SFT2D2: variants seen among roughly 807,000 people sequenced by gnomAD.
The protein encoded by SFT2D2 is vesicle transport protein SFT2B.
SFT2D2 carries 21 observed loss-of-function variants against 27.4 expected under a neutral mutation model. The observed-to-expected ratio is 0.77, with a 90% CI of 0.54 to 1.10. The LOEUF (loss-of-function observed/expected upper bound fraction) is 1.10. SFT2D2 is among the 50% of genes least tolerant of loss of function. The pLI is 0.00. For missense variants in SFT2D2, 187 were observed against 194.2 expected, an observed-to-expected ratio of 0.96 and a Z score of 0.22; for synonymous variants, 72 against 71.7, an observed-to-expected ratio of 1.00 and a Z score of -0.02.
In SFT2D2 at chr1:168,243,357, A is replaced by G. The variant is rs548917282; in HGVS notation, c.*817A>G. 6.6e-5 allele frequency: 10 copies of G among 151,786 alleles called. No homozygotes were observed. The highest frequency in any genetic ancestry group is 2.1e-4 in the South Asian group (1 of 4,800). The allele number at this position is 151,786 out of a possible 1,614,324, so 9.4% of individuals were successfully genotyped here. A position where few individuals can be genotyped will look rare whatever the true frequency, so the allele number is the denominator to read the frequency against. On this transcript the variant is annotated 3_prime_UTR_variant, in exon 8 of 8. Coordinates refer to ENST00000271375, the MANE Select transcript of SFT2D2 (RefSeq NM_199344.3). The stretch of plus-strand genomic sequence containing the variant: ...TTGAAAAATCCTGCTGCTCTCAGCT[A>G]TATTTTTTTCTCCATTATTTATAAA...
chr1:168,227,258 G>A (rs979094969), intron 1 of SFT2D2, among the ~76,000 whole-genome samples: 1 of 152,092 alleles, frequency 6.6e-6, no homozygotes, highest in African/African-American at 2.4e-5. Context: ...GTTTCTCTTC[G>A]CTTTTTGGTG....
At chr1:168,241,043 C>G (rs1024770142) in intron 7 of SFT2D2, among the ~76,000 whole-genome samples, 1 of 152,076 alleles carries the variant, frequency 6.6e-6, no homozygotes, top group African/African-American at 2.4e-5. Context: ...AGTCATTTGT[C>G]AGAGCTTCAG....
chr1:168,238,744 C>G (rs1197174774), intron 6 of SFT2D2, among the ~76,000 whole-genome samples: 1 of 151,858 alleles, frequency 6.6e-6, no homozygotes, highest in African/African-American at 2.4e-5. Flanking sequence ...TGCGGTTCAA[C>G]TGTTCTGGGT....
chr1:168,226,446 C>T (rs939033150), intron 1 of SFT2D2, among the ~76,000 whole-genome samples: 2 of 152,224 alleles, frequency 1.3e-5, no homozygotes, highest in African/African-American at 4.8e-5. Flanking sequence ...GCCCCGGCCC[C>T]ACCGGCCGGG....
At position 168,236,487 on chromosome 1, in the gene SFT2D2, A is replaced by G; in HGVS notation, c.319-102A>G. 2.7e-6 allele frequency: 3 copies of G among 1,127,716 alleles called. No homozygotes were observed. The South Asian group carries it at 4.1e-5, about 15-fold the overall frequency. The allele number at this position is 1,127,716 out of a possible 1,614,324, so 69.9% of individuals were successfully genotyped here. On this transcript the variant is annotated intron_variant, in intron 4 of 7. Transcript: ENST00000271375. ...AGGTGGGTTAACTGCTTTGAGATGA[A>G]GGATGCATAAGTTTTGTGCATTTGT...
In SFT2D2 at chr1:168,245,632, A is replaced by G. The variant is rs1647788218; in HGVS notation, c.*3092A>G. On this transcript the variant is annotated 3_prime_UTR_variant, in exon 8 of 8. Transcript: ENST00000271375. ...GATTCACATGGCATGCAGATGATCT[A>G]GAAGATCCACAGTAACTCTCCTGCT... is the stretch of plus-strand genomic sequence containing the variant. 1 of 142,252 alleles carries G rather than the reference A, an allele frequency of 7.0e-6. No individual in the cohort carries two copies. The highest frequency in any genetic ancestry group is 1.5e-5 in the Non-Finnish European group (1 of 66,890). 8.8% of individuals were successfully genotyped at this position (142,252 alleles called of 1,614,324 possible).
At chr1:168,237,887 A>G (rs1342703590) in intron 6 of SFT2D2, among the ~76,000 whole-genome samples, 1 of 149,858 alleles carries the variant, frequency 6.7e-6, no homozygotes, top group Admixed American at 6.7e-5. Context: ...AATGACATGC[A>G]CATTTGAGTG....
chr1:168,227,687 C>T (rs1321348837), intron 1 of SFT2D2, among the ~76,000 whole-genome samples: 5 of 152,116 alleles, frequency 3.3e-5, no homozygotes, highest in Non-Finnish European at 7.3e-5. Flanking sequence ...CAGACCGGGC[C>T]TAAGAAAGGT....
At chr1:168,230,212 G>T (rs1700498481) in intron 1 of SFT2D2, among the ~76,000 whole-genome samples, 1 of 152,162 alleles carries the variant, frequency 6.6e-6, no homozygotes, top group Non-Finnish European at 1.5e-5. Flanking sequence ...AAGGCTGACG[G>T]AGTTGCCAGT....
chr1:168,246,548 A>G lies in SFT2D2; in HGVS notation c.*4008A>G, dbSNP rs1359626909. ...CACCTGGACTTACTCTCAGCTTTAG[A>G]AAGTTGCTGAGAAAGAATCAGAACA... is the stretch of plus-strand genomic sequence containing the variant. On this transcript the variant is annotated 3_prime_UTR_variant, in exon 8 of 8. Transcript: ENST00000271375. 1 of 1,508,606 alleles carries G rather than the reference A, an allele frequency of 6.6e-7. No individual in the cohort carries two copies. Among genetic ancestry groups the G allele is most frequent in the East Asian group, 2.4e-5 (1 of 41,586 alleles). 93.5% of individuals were successfully genotyped at this position (1,508,606 alleles called of 1,614,324 possible).
chr1:168,240,780 C>T (rs952976258), intron 7 of SFT2D2, among the ~76,000 whole-genome samples: 15 of 151,998 alleles, frequency 9.9e-5, no homozygotes, highest in Non-Finnish European at 8.8e-5. Context: ...AGCGTGGTGG[C>T]GTGCACCTGT....
intron 6 of SFT2D2, among the ~76,000 whole-genome samples, chr1:168,237,208 T>A (rs1335926640): frequency 6.6e-6 from 1 of 152,224 alleles, no homozygotes; most frequent in African/African-American, 2.4e-5. Context: ...ATGAATCATT[T>A]AACAGAAGGA....
rs1647948790 is a variant in SFT2D2, at chr1:168,251,359, A to G, written c.*8819A>G. 6.6e-6 allele frequency: 1 copy of G among 152,196 alleles called. No homozygotes were observed. Among genetic ancestry groups the G allele is most frequent in the East Asian group, 1.9e-4 (1 of 5,186 alleles). The allele number at this position is 152,196 out of a possible 1,614,324, so 9.4% of individuals were successfully genotyped here. A position where few individuals can be genotyped will look rare whatever the true frequency, so the allele number is the denominator to read the frequency against. ...AATCACTTTTTGATACTTCTGTTAA[A>G]ATAGATAATAAGGAACCATATCTTA... On this transcript the variant is annotated 3_prime_UTR_variant, in exon 8 of 8. Coordinates refer to ENST00000271375, the MANE Select transcript of SFT2D2 (RefSeq NM_199344.3).
In SFT2D2 at chr1:168,248,506, G is replaced by A. The variant is rs1222666050; in HGVS notation, c.*5966G>A. The A allele has an allele frequency of 1.3e-5, 2 of 152,152 alleles. No homozygotes were observed. Among genetic ancestry groups the A allele is most frequent in the African/African-American group, 4.8e-5 (2 of 41,432 alleles). 9.4% of individuals were successfully genotyped at this position (152,152 alleles called of 1,614,324 possible). On this transcript the variant is annotated 3_prime_UTR_variant, in exon 8 of 8. Transcript: ENST00000271375. ...ATTGGCTGTGGGTTTGTCATAAATA[G>A]CTCTTCTTATTTTGAGATGCGTTCC...
intron 3 of SFT2D2, among the ~76,000 whole-genome samples, chr1:168,232,876 G>T (rs1187777875): frequency 1.3e-5 from 2 of 152,214 alleles, no homozygotes; most frequent in Non-Finnish European, 2.9e-5. Flanking sequence ...CCTAGAGAAG[G>T]TGATATCTGA....
Position 168,242,782 on chromosome 1 carries a change from T to A in SFT2D2, c.*242T>A. 3.8e-6 allele frequency: 2 copies of A among 526,836 alleles called. No individual in the cohort carries two copies. The highest frequency in any genetic ancestry group is 4.2e-5 in the South Asian group (2 of 47,328). 32.6% of individuals were successfully genotyped at this position (526,836 alleles called of 1,614,324 possible). A position where few individuals can be genotyped will look rare whatever the true frequency, so the allele number is the denominator to read the frequency against. Reference sequence around the variant, plus strand: ...ATCTTGTGGAGTGGAATCTTCCTCATGTACCTGTTTCCTCTCTGGATGTTG... The same window carrying A: ...ATCTTGTGGAGTGGAATCTTCCTCAAGTACCTGTTTCCTCTCTGGATGTTG... On this transcript the variant is annotated 3_prime_UTR_variant, in exon 8 of 8. Transcript: ENST00000271375.
At chr1:168,226,261 C>T (rs1345785867) in intron 1 of SFT2D2, 119 bp downstream of exon 1, 4 of 817,712 alleles carry the variant, frequency 4.9e-6, no homozygotes, top group South Asian at 2.1e-5. Context: ...TCTGCCCCTT[C>T]TCCTCCTCTT....
rs1370035581 is a variant in SFT2D2 at position 168,245,105 on chromosome 1, T to C, written c.*2565T>C. The C allele has an allele frequency of 2.0e-5, 3 of 151,662 alleles. No homozygotes were observed. Among genetic ancestry groups the C allele is most frequent in the African/African-American group, 7.3e-5 (3 of 41,232 alleles). 9.4% of individuals were successfully genotyped at this position (151,662 alleles called of 1,614,324 possible). A position where few individuals can be genotyped will look rare whatever the true frequency, so the allele number is the denominator to read the frequency against. ...ACTGCAATCATGTTTTAATTGGGAG[T>C]AGGGGGAAAGAGGGAGGGAAGGAGA... On this transcript the variant is annotated 3_prime_UTR_variant, in exon 8 of 8. Coordinates refer to ENST00000271375, the MANE Select transcript of SFT2D2 (RefSeq NM_199344.3).
Position 168,239,133 on chromosome 1 carries a change from A to G in SFT2D2, c.416A>G (p.Tyr139Cys), listed in dbSNP as rs1275804570. The G allele has an allele frequency of 6.2e-7, 1 of 1,606,850 alleles. No individual in the cohort carries two copies. Among genetic ancestry groups the G allele is most frequent in the Non-Finnish European group, 8.5e-7 (1 of 1,173,376 alleles). The change falls in exon 7 of 8, where the codon TAC (tyrosine) becomes TGC (cysteine). Residue 139 changes from tyrosine (Y) to cysteine (C), a missense_variant and splice_region_variant. Tyr to Cys is a radical substitution (Grantham distance 194). Transcript: ENST00000271375. ...CTTTGTTTTGTTTTTCATTATAGGTACAGCCTTTCCTTCATACCATTTGCA... is the reference window on the plus strand; with the variant it reads ...CTTTGTTTTGTTTTTCATTATAGGTGCAGCCTTTCCTTCATACCATTTGCA... ...CILQSLALTW[Y>C]SLSFIPFARD...
Sources: gnomAD v4.1 joint callset for allele counts (sites outside exome capture counted in the v4.1 genomes callset) on GRCh38, gnomAD v4.1.1 for gene constraint, MANE v1.5 for transcripts, NCBI Gene and HGNC (gene_info 2026-07-23, HGNC 2026-07-21) for gene names.